Variants in ACVR1C observed in about 807,000 individuals in gnomAD.
The protein encoded by ACVR1C is activin receptor type-1C.
ACVR1C carries 23 observed loss-of-function variants against 57.9 expected under a neutral mutation model. The observed-to-expected ratio is 0.40, with a 90% confidence interval of 0.29 to 0.56. The LOEUF (loss-of-function observed/expected upper bound fraction) is 0.56. Ranked by LOEUF, ACVR1C falls within the 20% of genes least tolerant of loss-of-function variation. ACVR1C has a pLI of 0.50. For missense variants in ACVR1C, 480 were observed against 607.9 expected (o/e 0.79, Z 2.21); for synonymous variants, 214 against 215.3 (o/e 0.99, Z 0.05).
chr2:157,554,442 G>A (rs1260221249), intron 3 of ACVR1C, among the ~76,000 whole-genome samples: 1 of 150,866 alleles, frequency 6.6e-6, no homozygotes, highest in African/African-American at 2.4e-5. Context: ...AGGAAGGAAG[G>A]TGCCAGTCGT....
chr2:157,597,329 C>T (rs1318507108), intron 1 of ACVR1C: 26 of 985,592 alleles, frequency 2.6e-5, no homozygotes, highest in Non-Finnish European at 3.0e-5. Context: ...GACCTTGGCA[C>T]CCCGGCCCGC....
rs572971520 is a variant in ACVR1C at position 157,530,352 on chromosome 2, T to A, written c.*3566A>T. ...AGTTGTTTACTCAAACTTTGTATAA[T>A]GGCAAACATCAGCTCCCTGTTTTCA... On this transcript the variant is annotated 3_prime_UTR_variant, in exon 9 of 9. Coordinates refer to ENST00000243349, the MANE Select transcript of ACVR1C (RefSeq NM_145259.3). 1 of 152,262 alleles carries A rather than the reference T, an allele frequency of 6.6e-6. No individual in the cohort carries two copies. Among genetic ancestry groups the A allele is most frequent in the South Asian group, 2.1e-4 (1 of 4,834 alleles). The allele number at this position is 152,262 out of a possible 1,614,324, so 9.4% of individuals were successfully genotyped here.
intron 1 of ACVR1C, among the ~76,000 whole-genome samples, chr2:157,606,646 A>G (rs757412154): frequency 7.3e-5 from 11 of 150,642 alleles, no homozygotes; most frequent in East Asian, 1.9e-4. Context: ...TTTTAATAGG[A>G]TTGTTTGTTT....
chr2:157,586,201 T>C (rs1688918067), intron 2 of ACVR1C, among the ~76,000 whole-genome samples: 1 of 152,132 alleles, frequency 6.6e-6, no homozygotes, highest in Non-Finnish European at 1.5e-5. Context: ...AGTTATCTTC[T>C]ATTTAGGGCA....
At chr2:157,580,538 C>T (rs1401286151) in intron 2 of ACVR1C, among the ~76,000 whole-genome samples, 1 of 152,182 alleles carries the variant, frequency 6.6e-6, no homozygotes, top group Non-Finnish European at 1.5e-5. Flanking sequence ...TGCCAAGTTA[C>T]ACTTTAGATG....
At chr2:157,563,585 T>C (rs890843916) in intron 2 of ACVR1C, among the ~76,000 whole-genome samples, 1 of 152,104 alleles carries the variant, frequency 6.6e-6, no homozygotes, top group Non-Finnish European at 1.5e-5. Context: ...CAAACTACCA[T>C]TGACATTCTT....
chr2:157,627,600 T>C (rs1682924356), intron 1 of ACVR1C, among the ~76,000 whole-genome samples: 1 of 152,134 alleles, frequency 6.6e-6, no homozygotes, highest in Non-Finnish European at 1.5e-5. Flanking sequence ...GCTATTAATG[T>C]CAAACAGATT....
intron 1 of ACVR1C, among the ~76,000 whole-genome samples, chr2:157,600,984 T>C (rs943625944): frequency 1.2e-4 from 18 of 152,192 alleles, no homozygotes; most frequent in Non-Finnish European, 2.4e-4. Flanking sequence ...TTTAAAAATA[T>C]AGTTCTTAGA....
intron 8 of ACVR1C, among the ~76,000 whole-genome samples, chr2:157,537,273 G>C (rs2105201953): frequency 6.6e-6 from 1 of 152,048 alleles, no homozygotes; most frequent in South Asian, 2.1e-4. Context: ...AGAGGGGTAA[G>C]GAATCTTCAA....
chr2:157,628,741 G>A lies in ACVR1C; in HGVS notation c.-97C>T. The A allele has an allele frequency of 1.8e-6, 2 of 1,123,424 alleles. No individual in the cohort carries two copies. The highest frequency in any genetic ancestry group is 2.4e-6 in the Non-Finnish European group (2 of 829,766). The allele number at this position is 1,123,424 out of a possible 1,614,324, so 69.6% of individuals were successfully genotyped here. Reference sequence around the variant, plus strand: ...CTTTGAAGTTCCCGGGCCGCGGGAGGGGAGCGCGGCACCGACACCCTTTTG... The same window carrying A: ...CTTTGAAGTTCCCGGGCCGCGGGAGAGGAGCGCGGCACCGACACCCTTTTG... On this transcript the variant is annotated 5_prime_UTR_variant, in exon 1 of 9. Transcript: ENST00000243349.
rs758156914 is a variant in ACVR1C at position 157,556,250 on chromosome 2, C to T, written c.387G>A (p.Ala129=). The change falls in exon 3 of 9, where the codon GCG becomes GCA. Residue 129 remains alanine, a synonymous_variant. Transcript: ENST00000243349. The part of the protein sequence containing the change: ...TVPVCLLSIA[A]MLTVWACQGR... ...CCTGGCATGCCCATACTGTCAGCAT[C>T]GCAGCTATGGACAGGAGGCAAACAG... 15 of 1,614,000 alleles carry T rather than the reference C, an allele frequency of 9.3e-6. No homozygotes were observed. The highest frequency in any genetic ancestry group is 8.9e-5 in the East Asian group (4 of 44,896).
In ACVR1C at chr2:157,566,797, A is replaced by G. The variant is rs528296154; in HGVS notation, c.305-10465T>C. On this transcript the variant is annotated intron_variant, in intron 2 of 8. Transcript: ENST00000243349. ...CGAGGCTGGGGGAGGGGCGCCCGCC[A>G]TTGCCCAGGCTTGCTTAGGTAAACA... 5.3e-4 allele frequency among the ~76,000 whole-genome samples: 81 copies of G among 152,228 alleles called. 2 individuals carry two copies. The highest frequency in any genetic ancestry group is 1.8e-3 in the African/African-American group (75 of 41,538).
chr2:157,576,979 C>G (rs1320844217), intron 2 of ACVR1C, among the ~76,000 whole-genome samples: 1 of 97,274 alleles, frequency 1.0e-5, no homozygotes, highest in African/African-American at 4.5e-5. Context: ...CTCAGCCTCC[C>G]CAGTAGCTGG....
Position 157,537,991 on chromosome 2 carries a change from G to A in ACVR1C, c.1356+582C>T, listed in dbSNP as rs182965693. Among the ~76,000 whole-genome samples, 167 of 152,290 alleles carry A rather than the reference G, an allele frequency of 1.1e-3. 2 individuals carry two copies. Among genetic ancestry groups the A allele is most frequent in the Middle Eastern group, 0.01 (3 of 294 alleles). On this transcript the variant is annotated intron_variant, in intron 8 of 8. Coordinates refer to ENST00000243349, the MANE Select transcript of ACVR1C (RefSeq NM_145259.3). ...TAAGTTCAAACTTTAGCAGGTTAGAGATGAGGTATAACTTATTGAATGTAA... is the reference window on the plus strand; with the variant it reads ...TAAGTTCAAACTTTAGCAGGTTAGAAATGAGGTATAACTTATTGAATGTAA...
chr2:157,535,773 A>T (rs1573900733), intron 8 of ACVR1C, among the ~76,000 whole-genome samples: 1 of 152,306 alleles, frequency 6.6e-6, no homozygotes, highest in South Asian at 2.1e-4. Context: ...ACAAAGCAAG[A>T]TTCTGCCTCA....
chr2:157,605,988 A>T (rs995160618), intron 1 of ACVR1C, among the ~76,000 whole-genome samples: 31 of 151,318 alleles, frequency 2.0e-4, no homozygotes, highest in African/African-American at 7.0e-4. Flanking sequence ...GGTATCTATC[A>T]TTCTATTCTC....
rs1226873037 is a variant in ACVR1C, at chr2:157,530,701, G to A, written c.*3217C>T. 2 of 152,042 alleles carry A rather than the reference G, an allele frequency of 1.3e-5. No individual in the cohort carries two copies. The highest frequency in any genetic ancestry group is 4.8e-5 in the African/African-American group (2 of 41,422). The allele number at this position is 152,042 out of a possible 1,614,324, so 9.4% of individuals were successfully genotyped here. ...TTAATTGAAAGTATAAAGATGAAAA[G>A]CAAGTGCTATGCCTAAAATAGTGCA... is the stretch of plus-strand genomic sequence containing the variant. On this transcript the variant is annotated 3_prime_UTR_variant, in exon 9 of 9. Transcript: ENST00000243349.
At chr2:157,561,702 AATC>A (rs1688232500) in intron 2 of ACVR1C, among the ~76,000 whole-genome samples, 1 of 152,242 alleles carries the variant, frequency 6.6e-6, no homozygotes, top group Non-Finnish European at 1.5e-5. Flanking sequence ...AAATCTCCCA[AATC>A]ATCATGATGA....
At chr2:157,572,907 A>G (rs573923848) in intron 2 of ACVR1C, among the ~76,000 whole-genome samples, 12 of 152,294 alleles carry the variant, frequency 7.9e-5, no homozygotes, top group African/African-American at 2.9e-4. Flanking sequence ...GTGTGATGGC[A>G]GAACAATTCC....
Sources: gnomAD v4.1 joint callset for allele counts (sites outside exome capture counted in the v4.1 genomes callset) on GRCh38, gnomAD v4.1.1 for gene constraint, MANE v1.5 for transcripts, NCBI Gene and HGNC (gene_info 2026-07-23, HGNC 2026-07-21) for gene names.